HAUS6: variants seen among roughly 807,000 people sequenced by gnomAD.
HAUS6 encodes the protein HAUS augmin-like complex subunit 6.
HAUS6 carries 80 observed loss-of-function variants against 106.8 expected under a neutral mutation model. The observed-to-expected ratio is 0.75, with a 90% CI of 0.63 to 0.90. The LOEUF is 0.90. Among genes scored for constraint, HAUS6 ranks in the 40% least tolerant of loss-of-function variants. HAUS6 has a pLI of 0.00. For synonymous variants in HAUS6, 356 were observed against 379.1 expected (o/e 0.94, Z 0.71); for missense variants, 1,155 against 1,118.1 (o/e 1.03, Z -0.47).
At chr9:19,059,080 C>T in intron 15 of HAUS6, 79 bp from the exon 16 acceptor site, 7 of 774,774 alleles carry the variant, frequency 9.0e-6, no homozygotes, top group Non-Finnish European at 1.5e-5. Context: ...ATTTCTAACA[C>T]TGAAGATAAA....
chr9:19,065,079 T>A (rs1440802430), intron 12 of HAUS6: 2 of 152,254 alleles, frequency 1.3e-5, no homozygotes, highest in South Asian at 2.1e-4. Context: ...AAATGCCACT[T>A]GAGAATGGGG....
Position 19,060,176 on chromosome 9 carries a change from T to G in HAUS6, c.1677A>C (p.Lys559Asn). ...LSDSPQLSEGKEIKLEELIDS... is the reference protein window; with the variant it reads ...LSDSPQLSEGNEIKLEELIDS... The stretch of plus-strand genomic sequence containing the variant: ...CAATTAGTTCCTCTAATTTTATTTC[T>G]TTTCCTTCAGAGAGCTGTGGTGAAT... The change falls in exon 15 of 17, where the codon AAA (lysine) becomes AAC (asparagine). Residue 559 changes from lysine (K) to asparagine (N), a missense_variant. Transcript: ENST00000380502. The G allele has an allele frequency of 6.3e-6, 10 of 1,594,234 alleles. No individual in the cohort carries two copies. Among genetic ancestry groups the G allele is most frequent in the Non-Finnish European group, 8.5e-6 (10 of 1,170,598 alleles).
At chr9:19,099,148 GT>G (rs1427220398) in intron 1 of HAUS6, among the ~76,000 whole-genome samples, 7 of 150,096 alleles carry the variant, frequency 4.7e-5, no homozygotes, top group Middle Eastern at 3.4e-3. Context: ...AAATAATGGG[GT>G]TTTTTTTGTT....
chr9:19,096,809 G>C, intron 1 of HAUS6, 40 bp from the exon 2 acceptor site: 2 of 956,562 alleles, frequency 2.1e-6, no homozygotes, highest in Non-Finnish European at 1.6e-6. Context: ...AAAAGAAAAA[G>C]GTTAATAAGC....
At chr9:19,094,048 T>A (rs1161229988) in intron 3 of HAUS6, among the ~76,000 whole-genome samples, 1 of 152,212 alleles carries the variant, frequency 6.6e-6, no homozygotes, top group Non-Finnish European at 1.5e-5. Context: ...AATATACGGT[T>A]GGAAAAGTTT....
At chr9:19,087,258 G>A (rs1408773776) in intron 5 of HAUS6, 102 bp from the exon 6 acceptor site, 3 of 725,192 alleles carry the variant, frequency 4.1e-6, no homozygotes, top group Non-Finnish European at 4.9e-6. Flanking sequence ...TAAGGCCTCT[G>A]GGTACAGCCA....
intron 2 of HAUS6, among the ~76,000 whole-genome samples, chr9:19,095,284 T>C (rs1817838144): frequency 6.6e-6 from 1 of 152,126 alleles, no homozygotes; most frequent in Admixed American, 6.6e-5. Context: ...GTCAGGCTTT[T>C]CCAAATTTTT....
chr9:19,085,514 C>G (rs756621025), intron 7 of HAUS6, among the ~76,000 whole-genome samples: 3 of 151,720 alleles, frequency 2.0e-5, no homozygotes, highest in Admixed American at 6.6e-5. Context: ...GGGCGCTAAC[C>G]TTTACAGGTG....
chr9:19,080,034 C>T (rs1002865968), intron 9 of HAUS6, among the ~76,000 whole-genome samples: 5 of 151,644 alleles, frequency 3.3e-5, no homozygotes, highest in African/African-American at 1.2e-4. Context: ...ATTAGCCAGG[C>T]GTGGTGGCAC....
Position 19,070,210 on chromosome 9 carries a change from T to A in HAUS6, c.1376+9A>T. On this transcript the variant is annotated intron_variant, in intron 12 of 16. Transcript: ENST00000380502. ...AATGTTTAACAAAAGAAAATCAAAT[T>A]TGTTTTACCTGTTGGCTAGATCATG... 1 of 1,457,164 alleles carries A rather than the reference T, an allele frequency of 6.9e-7. No homozygotes were observed. 90.3% of individuals were successfully genotyped at this position (1,457,164 alleles called of 1,614,324 possible).
At chr9:19,063,722 T>G (rs1356265176) in intron 12 of HAUS6, 142 bp from the exon 13 acceptor site, 1 of 772,078 alleles carries the variant, frequency 1.3e-6, no homozygotes, top group African/African-American at 1.7e-5. Flanking sequence ...AAAGGCAGTT[T>G]ATTCTAGGGA....
At chr9:19,071,530 A>C (rs1294453466) in intron 11 of HAUS6, among the ~76,000 whole-genome samples, 7 of 151,850 alleles carry the variant, frequency 4.6e-5, no homozygotes, top group Admixed American at 2.0e-4. Flanking sequence ...CTACATTTAG[A>C]TATATCCCAG....
At chr9:19,074,617 G>A (rs983923118) in intron 11 of HAUS6, among the ~76,000 whole-genome samples, 2 of 151,964 alleles carry the variant, frequency 1.3e-5, no homozygotes, top group Non-Finnish European at 2.9e-5. Context: ...CACCTAAACT[G>A]AGCCTTGCTC....
In HAUS6 at chr9:19,070,354, T is replaced by C. The variant is rs1836860349; in HGVS notation, c.1295-54A>G. Reference sequence around the variant, plus strand: ...TTAATTATGTTTGTACATTCTAACATTCAAGGATTCCTTGAAATTCGAGAA... The same window carrying C: ...TTAATTATGTTTGTACATTCTAACACTCAAGGATTCCTTGAAATTCGAGAA... On this transcript the variant is annotated intron_variant, in intron 11 of 16. Coordinates refer to ENST00000380502, the MANE Select transcript of HAUS6 (RefSeq NM_017645.5). 1.8e-5 allele frequency: 17 copies of C among 963,862 alleles called. No individual in the cohort carries two copies. The South Asian group carries it at 2.1e-4, about 12-fold the overall frequency. 59.7% of individuals were successfully genotyped at this position (963,862 alleles called of 1,614,324 possible). A position where few individuals can be genotyped will look rare whatever the true frequency, so the allele number is the denominator to read the frequency against.
rs550595823 is a variant in HAUS6, at chr9:19,078,093, T to A, written c.1191+83A>T. 1.8e-5 allele frequency: 20 copies of A among 1,095,482 alleles called. No homozygotes were observed. In the African/African-American group the frequency reaches 2.5e-4, roughly 14 times the overall value. 67.9% of individuals were successfully genotyped at this position (1,095,482 alleles called of 1,614,324 possible). On this transcript the variant is annotated intron_variant, in intron 10 of 16. Transcript: ENST00000380502. ...ATGATCGTGCCACTCTACTCCAGCC[T>A]GGGCAACAGAGCAAGACACTGTCTC...
chr9:19,084,106 G>C (rs553472983), intron 7 of HAUS6, among the ~76,000 whole-genome samples: 1 of 143,822 alleles, frequency 7.0e-6, no homozygotes, highest in African/African-American at 2.6e-5. Flanking sequence ...CAATCAAAAA[G>C]TAGAATCAAT....
chr9:19,095,557 A>T (rs1817844127), intron 2 of HAUS6, among the ~76,000 whole-genome samples: 1 of 152,062 alleles, frequency 6.6e-6, no homozygotes, highest in African/African-American at 2.4e-5. Context: ...GAAACCCTAT[A>T]CCTTAATAAT....
intron 7 of HAUS6, among the ~76,000 whole-genome samples, chr9:19,085,739 C>T (rs1192209759): frequency 6.6e-6 from 1 of 152,008 alleles, no homozygotes; most frequent in Admixed American, 6.6e-5. Flanking sequence ...CATTTTGATT[C>T]CTCATTTTCC....
chr9:19,076,858 C>T (rs1157877913), intron 10 of HAUS6, among the ~76,000 whole-genome samples, 154 bp from the exon 11 acceptor site: 1 of 152,086 alleles, frequency 6.6e-6, no homozygotes, highest in Non-Finnish European at 1.5e-5. Flanking sequence ...ATTTATTTTT[C>T]TTAAAGACAG....
Sources: gnomAD v4.1 joint callset for allele counts (sites outside exome capture counted in the v4.1 genomes callset) on GRCh38, gnomAD v4.1.1 for gene constraint, MANE v1.5 for transcripts, NCBI Gene and HGNC (gene_info 2026-07-23, HGNC 2026-07-21) for gene names.